Variants in MAPKAP1 observed in about 807,000 individuals in gnomAD.
MAPKAP1 encodes the protein target of rapamycin complex 2 subunit MAPKAP1.
Under a neutral mutation model 65.7 loss-of-function variants are expected in MAPKAP1, and 20 were observed. That is an observed-to-expected ratio of 0.30 (90% CI 0.21 to 0.44). The LOEUF (loss-of-function observed/expected upper bound fraction) is 0.44. MAPKAP1 is among the 20% of genes least tolerant of loss of function. The probability of loss-of-function intolerance (pLI) is 1.00; values close to 1 mark genes in which losing one functional copy is unlikely to be tolerated. For synonymous variants in MAPKAP1, 222 were observed against 244.3 expected (o/e 0.91, Z 0.85); for missense variants, 423 against 648.0 (o/e 0.65, Z 3.77).
At chr9:125,677,419 G>C (rs188470702) in intron 1 of MAPKAP1, among the ~76,000 whole-genome samples, 1 of 151,906 alleles carries the variant, frequency 6.6e-6, no homozygotes, top group African/African-American at 2.4e-5. Flanking sequence ...AATAAGGCCC[G>C]GTACAGTCAC....
intron 7 of MAPKAP1, among the ~76,000 whole-genome samples, chr9:125,515,348 A>G (rs962144703): frequency 1.3e-5 from 2 of 152,208 alleles, no homozygotes; most frequent in Non-Finnish European, 1.5e-5. Context: ...TTCAGTCAAC[A>G]CTAGAAAAAG....
chr9:125,648,752 C>T (rs1245913496), intron 4 of MAPKAP1, among the ~76,000 whole-genome samples: 1 of 151,976 alleles, frequency 6.6e-6, no homozygotes, highest in African/African-American at 2.4e-5. Flanking sequence ...ACCAGCCTGA[C>T]CAACATGGTG....
intron 5 of MAPKAP1, among the ~76,000 whole-genome samples, chr9:125,575,128 G>T (rs528217153): frequency 6.6e-6 from 1 of 152,202 alleles, no homozygotes; most frequent in Non-Finnish European, 1.5e-5. Flanking sequence ...GAGGCAGGAT[G>T]ATTGCTTTAA....
At chr9:125,596,611 A>G in intron 4 of MAPKAP1, 1 of 662,884 alleles carries the variant, frequency 1.5e-6, no homozygotes, top group Admixed American at 1.8e-5. Flanking sequence ...TAGCTACAGC[A>G]GTGGCAGAAG....
chr9:125,497,047 C>T (rs1038494914), intron 8 of MAPKAP1, among the ~76,000 whole-genome samples: 3 of 152,094 alleles, frequency 2.0e-5, no homozygotes, highest in East Asian at 1.9e-4. Context: ...GGAACTGTAA[C>T]GAGCCCATGG....
intron 9 of MAPKAP1, among the ~76,000 whole-genome samples, chr9:125,472,429 A>G (rs1853957076): frequency 6.6e-6 from 1 of 152,222 alleles, no homozygotes; most frequent in African/African-American, 2.4e-5. Context: ...AAATGCACAC[A>G]TCTATTTTTT....
At chr9:125,618,121 C>T (rs772395093) in intron 4 of MAPKAP1, among the ~76,000 whole-genome samples, 76 of 152,010 alleles carry the variant, frequency 5.0e-4, no homozygotes, top group African/African-American at 1.7e-3. Context: ...TAGGGAGGAT[C>T]GCCTGAGGTC....
intron 5 of MAPKAP1, among the ~76,000 whole-genome samples, chr9:125,583,292 T>C (rs1350918927): frequency 6.6e-6 from 1 of 152,224 alleles, no homozygotes; most frequent in Admixed American, 6.5e-5. Flanking sequence ...TTAGATGTCA[T>C]TTAATCAAGG....
chr9:125,583,453 G>GT (rs1404104559), intron 5 of MAPKAP1, among the ~76,000 whole-genome samples: 1 of 152,154 alleles, frequency 6.6e-6, no homozygotes, highest in East Asian at 1.9e-4. Context: ...TTTCATTTCT[G>GT]TATTTCCAGA....
At chr9:125,609,387 G>A (rs1832533156) in intron 4 of MAPKAP1, among the ~76,000 whole-genome samples, 1 of 152,156 alleles carries the variant, frequency 6.6e-6, no homozygotes, top group Non-Finnish European at 1.5e-5. Flanking sequence ...AAAAGAGCTG[G>A]AACAGAAAAA....
At chr9:125,666,328 C>T (rs924824253) in intron 3 of MAPKAP1, among the ~76,000 whole-genome samples, 3 of 152,172 alleles carry the variant, frequency 2.0e-5, no homozygotes, top group Non-Finnish European at 2.9e-5. Context: ...TATGAAAAGG[C>T]TGCCCTTATG....
In MAPKAP1 at chr9:125,628,550, A is replaced by C. The variant is rs565438341; in HGVS notation, c.498+29101T>G. ...CAAAAGAACGAAGGTGAATCCTTACACCACAGACAAAAATTGACTCAAAAT... is the reference window on the plus strand; with the variant it reads ...CAAAAGAACGAAGGTGAATCCTTACCCCACAGACAAAAATTGACTCAAAAT... On this transcript the variant is annotated intron_variant, in intron 4 of 11. Transcript: ENST00000265960. Among the ~76,000 whole-genome samples the C allele has an allele frequency of 2.0e-5, 3 of 152,324 alleles. No homozygotes were observed. The East Asian group carries it at 5.8e-4, about 29-fold the overall frequency.
Position 125,585,698 on chromosome 9 carries a change from C to A in MAPKAP1, c.528G>T (p.Lys176Asn), listed in dbSNP as rs746222671. ...KGHVGTTATK[K>N]IDVYLPLHSS... ...AGTGCAGAGGGAGGTAGACATCGATCTTCTTGGTTGCTGTTGTACCTACAT... is the reference window on the plus strand; with the variant it reads ...AGTGCAGAGGGAGGTAGACATCGATATTCTTGGTTGCTGTTGTACCTACAT... The change falls in exon 5 of 12, where the codon AAG (lysine) becomes AAT (asparagine). Residue 176 changes from lysine (K) to asparagine (N), a missense_variant. Transcript: ENST00000265960. The A allele has an allele frequency of 4.3e-6, 7 of 1,614,198 alleles. No homozygotes were observed. The highest frequency in any genetic ancestry group is 5.9e-6 in the Non-Finnish European group (7 of 1,180,038).
intron 10 of MAPKAP1, among the ~76,000 whole-genome samples, chr9:125,465,701 T>C (rs1244385363): frequency 6.6e-6 from 1 of 152,204 alleles, no homozygotes; most frequent in Non-Finnish European, 1.5e-5. Flanking sequence ...CTTGGGTCAG[T>C]TAGTTCACTA....
At chr9:125,672,172 G>A (rs1018797201) in intron 2 of MAPKAP1, 144 bp downstream of exon 2, 4 of 841,344 alleles carry the variant, frequency 4.8e-6, no homozygotes, top group Non-Finnish European at 7.3e-6. Context: ...ATGTTGCTCA[G>A]ACTCACTCTT....
At position 125,657,826 on chromosome 9, in the gene MAPKAP1, C is replaced by T. The variant is rs1029727892; in HGVS notation, c.350-27G>A. On this transcript the variant is annotated intron_variant, in intron 3 of 11. Transcript: ENST00000265960. The stretch of plus-strand genomic sequence containing the variant: ...TGTGATACAAGAGGAAGAAAAACAT[C>T]TTTGTGATTACACAGAGACAACTTG... 1.9e-6 allele frequency: 3 copies of T among 1,608,190 alleles called. No individual in the cohort carries two copies. The African/African-American group carries it at 4.0e-5, about 22-fold the overall frequency.
chr9:125,703,769 C>CAA (rs1212274126), intron 1 of MAPKAP1, among the ~76,000 whole-genome samples: 13 of 61,666 alleles, frequency 2.1e-4, no homozygotes, highest in South Asian at 1.5e-3. Flanking sequence ...AAGACTGTCT[C>CAA]AAAAAAAAAA....
At chr9:125,451,013 G>C (rs1448097823) in intron 10 of MAPKAP1, 1 of 152,264 alleles carries the variant, frequency 6.6e-6, no homozygotes, top group Non-Finnish European at 1.5e-5. Flanking sequence ...CCATAGTAAT[G>C]ACCTCTTTGA....
chr9:125,482,204 ATATACCAT>A (rs962379872), intron 9 of MAPKAP1, among the ~76,000 whole-genome samples: 1 of 151,804 alleles, frequency 6.6e-6, no homozygotes, highest in African/African-American at 2.4e-5. Context: ...TCATGAGTAT[ATATACCAT>A]GACTTTTCCA....
Sources: gnomAD v4.1 joint callset for allele counts (sites outside exome capture counted in the v4.1 genomes callset) on GRCh38, gnomAD v4.1.1 for gene constraint, MANE v1.5 for transcripts, NCBI Gene and HGNC (gene_info 2026-07-23, HGNC 2026-07-21) for gene names.